Variants in PCDHA10 observed in about 807,000 individuals in gnomAD.
PCDHA10 encodes protocadherin alpha-10.
PCDHA10 carries 45 observed loss-of-function variants against 61.2 expected under a neutral mutation model. That is an observed-to-expected ratio of 0.74 (90% CI 0.58 to 0.94). The LOEUF (loss-of-function observed/expected upper bound fraction) is 0.94, where lower values mean the gene tolerates loss of function less well. PCDHA10 is among the 40% of genes least tolerant of loss of function. The pLI is 0.00. For synonymous variants in PCDHA10, 602 were observed against 548.8 expected, an observed-to-expected ratio of 1.10 and a Z score of -1.35; for missense variants, 1,278 against 1,236.2, an observed-to-expected ratio of 1.03 and a Z score of -0.51.
rs545226629 is a variant in PCDHA10, at chr5:140,856,253, A to G, written c.205A>G (p.Arg69Gly). ...GCGCCTGTTCCGGGTGGCGTCCAAA[A>G]GACACGGGGACCTTCTGGAGGTAAA... The part of the protein sequence containing the change: ...VQRLFRVASK[R>G]HGDLLEVNLQ... Residue 69 changes from arginine (R) to glycine (G), a missense_variant, in exon 1 of 4, where the codon AGA becomes GGA. Transcript: ENST00000307360. 2.5e-6 allele frequency: 4 copies of G among 1,597,916 alleles called. No individual in the cohort carries two copies. The African/African-American group carries it at 4.0e-5, about 16-fold the overall frequency.
chr5:140,993,408 A>G (rs985721464), intron 3 of PCDHA10, among the ~76,000 whole-genome samples: 1 of 150,930 alleles, frequency 6.6e-6, no homozygotes, highest in African/African-American at 2.4e-5. Flanking sequence ...AACCACCTTC[A>G]TCAGCATTTC....
intron 1 of PCDHA10, chr5:140,867,745 A>G (rs1342140044): frequency 6.6e-6 from 1 of 152,108 alleles, no homozygotes. Flanking sequence ...CAAGCAAGTT[A>G]CAACTTCAGG....
chr5:140,883,642 C>G (rs200197885), intron 1 of PCDHA10: 55 of 1,613,904 alleles, frequency 3.4e-5, no homozygotes, highest in East Asian at 2.0e-4. Flanking sequence ...TCGCGCAGCC[C>G]GAGTACACGG....
intron 1 of PCDHA10, chr5:140,927,292 C>G (rs782109776): frequency 1.3e-5 from 21 of 1,614,162 alleles, no homozygotes; most frequent in Non-Finnish European, 1.7e-6. Context: ...GCTGCACATC[C>G]CCGAGTTCCT....
intron 1 of PCDHA10, chr5:140,860,433 T>C (rs2046395592): frequency 6.6e-6 from 1 of 152,064 alleles, no homozygotes; most frequent in Non-Finnish European, 1.5e-5. Context: ...GCAAATATGA[T>C]CTTTTTCATA....
At chr5:140,877,921 T>C (rs2153357057) in intron 1 of PCDHA10, 1 of 1,422,868 alleles carries the variant, frequency 7.0e-7, no homozygotes, top group South Asian at 1.6e-5. Context: ...CTCATTTTTC[T>C]TTATGATTCT....
At chr5:140,924,837 G>A (rs1310509638) in intron 1 of PCDHA10, among the ~76,000 whole-genome samples, 2 of 151,426 alleles carry the variant, frequency 1.3e-5, no homozygotes, top group African/African-American at 4.9e-5. Flanking sequence ...GGAGGTTGCA[G>A]GGAGCTCAGA....
At chr5:141,000,030 C>T (rs1261016075) in intron 3 of PCDHA10, among the ~76,000 whole-genome samples, 3 of 152,058 alleles carry the variant, frequency 2.0e-5, no homozygotes, top group African/African-American at 7.2e-5. Flanking sequence ...GCCTGACATC[C>T]AATCACACAC....
At chr5:140,917,242 T>C (rs564284004) in intron 1 of PCDHA10, among the ~76,000 whole-genome samples, 1 of 151,850 alleles carries the variant, frequency 6.6e-6, no homozygotes, top group African/African-American at 2.4e-5. Flanking sequence ...ATCTAGGTAC[T>C]ACGATTGCTC....
Position 140,883,794 on chromosome 5 carries a change from C to T in PCDHA10, c.2388+25358C>T, listed in dbSNP as rs781822448. On this transcript the variant is annotated intron_variant, in intron 1 of 3. Coordinates refer to ENST00000307360, the MANE Select transcript of PCDHA10 (RefSeq NM_018901.4). ...GAGCGTGCGCTGTCGAGCTACGTGT[C>T]GGTGCACGCGGAGAGCGGCAAGGTG... 8 of 1,612,476 alleles carry T rather than the reference C, an allele frequency of 5.0e-6. No individual in the cohort carries two copies. The East Asian group carries it at 1.6e-4, about 31-fold the overall frequency.
Position 140,858,234 on chromosome 5 carries a change from C to T in PCDHA10, c.2186C>T (p.Ala729Val), listed in dbSNP as rs782153266. 3 of 1,596,216 alleles carry T rather than the reference C, an allele frequency of 1.9e-6. No homozygotes were observed. The highest frequency in any genetic ancestry group is 3.4e-5 in the Admixed American group (2 of 59,220). ...TGCTCGGCGGCGCCCACCGAGGGCGCATGTGGGCCGGTGAAGCCCACGCTG... is the reference window on the plus strand; with the variant it reads ...TGCTCGGCGGCGCCCACCGAGGGCGTATGTGGGCCGGTGAAGCCCACGCTG... ...LRCSAAPTEG[A>V]CGPVKPTLVC... Residue 729 changes from alanine to valine, a missense_variant, in exon 1 of 4, where the codon GCA (alanine) becomes GTA (valine). Coordinates refer to ENST00000307360, the MANE Select transcript of PCDHA10 (RefSeq NM_018901.4).
chr5:140,944,346 C>A (rs2093644964), intron 1 of PCDHA10, among the ~76,000 whole-genome samples: 2 of 152,130 alleles, frequency 1.3e-5, no homozygotes, highest in African/African-American at 4.8e-5. Flanking sequence ...TGCCACCACA[C>A]CTGGCTAATT....
intron 1 of PCDHA10, among the ~76,000 whole-genome samples, chr5:140,941,202 C>CCTTTCTTCCTTCCTTTCTTTCTTTCTTT (rs1394736170): frequency 4.9e-5 from 6 of 122,740 alleles, no homozygotes; most frequent in Admixed American, 1.7e-4. Context: ...TTTCTTTCTT[C>CCTTTCTTCCTTCCTTTCTTTCTTTCTTT]CTTTCTTTCT....
intron 1 of PCDHA10, chr5:140,875,943 T>C (rs371245562): frequency 1.9e-6 from 3 of 1,614,072 alleles, no homozygotes; most frequent in African/African-American, 2.7e-5. Flanking sequence ...TAGAGGGCGC[T>C]TCTGATGCGG....
intron 3 of PCDHA10, among the ~76,000 whole-genome samples, chr5:140,984,397 G>A (rs1400095442): frequency 1.3e-5 from 2 of 152,112 alleles, no homozygotes; most frequent in African/African-American, 4.8e-5. Context: ...AAAATGTTGA[G>A]AACCTATCTT....
intron 1 of PCDHA10, among the ~76,000 whole-genome samples, chr5:140,936,879 C>A (rs2091197572): frequency 6.6e-6 from 1 of 152,054 alleles, no homozygotes; most frequent in African/African-American, 2.4e-5. Flanking sequence ...AAAAACCCTG[C>A]TTTGATTTTA....
intron 1 of PCDHA10, among the ~76,000 whole-genome samples, chr5:140,903,726 A>G (rs2070539731): frequency 6.6e-6 from 1 of 152,248 alleles, no homozygotes; most frequent in South Asian, 2.1e-4. Context: ...TCTCCCTATT[A>G]TCAATTATTA....
rs140457638 is a variant in PCDHA10, at chr5:140,883,730, G to T, written c.2388+25294G>T. On this transcript the variant is annotated intron_variant, in intron 1 of 3. Coordinates refer to ENST00000307360, the MANE Select transcript of PCDHA10 (RefSeq NM_018901.4). ...TCAGGACGCGGACGCACAGGAGAAC[G>T]CGCTGGTCTCCTACTCGCTGGTGGA... 4.3e-6 allele frequency: 7 copies of T among 1,613,530 alleles called. No homozygotes were observed. The East Asian group carries it at 1.6e-4, about 36-fold the overall frequency.
chr5:140,983,030 T>C (rs1333101014), intron 3 of PCDHA10, among the ~76,000 whole-genome samples: 1 of 151,922 alleles, frequency 6.6e-6, no homozygotes, highest in African/African-American at 2.4e-5. Context: ...GGAAGATGGT[T>C]TCTCATGGAA....
Sources: allele counts gnomAD v4.1 joint callset (sites outside exome capture counted in the v4.1 genomes callset), GRCh38; gene constraint gnomAD v4.1.1; transcripts MANE v1.5; gene names NCBI Gene and HGNC (gene_info 2026-07-23, HGNC 2026-07-21).